IRF2: variants seen among roughly 807,000 people sequenced by gnomAD.
IRF2 encodes the protein interferon regulatory factor 2.
Under a neutral mutation model 40.6 loss-of-function variants are expected in IRF2, and 15 were observed. The observed-to-expected ratio is 0.37, with a 90% CI of 0.25 to 0.57. The LOEUF (loss-of-function observed/expected upper bound fraction) is 0.57. Among genes scored for constraint, IRF2 ranks in the 20% least tolerant of loss-of-function variants. IRF2 has a pLI of 0.77. For missense variants in IRF2, 317 were observed against 455.7 expected, an observed-to-expected ratio of 0.70 and a Z score of 2.77; for synonymous variants, 151 against 165.5, an observed-to-expected ratio of 0.91 and a Z score of 0.67.
chr4:184,391,959 C>T (rs1396034989), intron 7 of IRF2, among the ~76,000 whole-genome samples: 1 of 152,214 alleles, frequency 6.6e-6, no homozygotes, highest in East Asian at 1.9e-4. Flanking sequence ...GCCTGGCACA[C>T]AGCACACACT....
At chr4:184,472,479 T>C (rs1376726366) in intron 1 of IRF2, 1 of 152,152 alleles carries the variant, frequency 6.6e-6, no homozygotes, top group Non-Finnish European at 1.5e-5. Flanking sequence ...GTCTCGGTGA[T>C]GCCTGAAAAT....
intron 1 of IRF2, chr4:184,472,387 C>T (rs1209753689): frequency 6.6e-6 from 1 of 152,146 alleles, no homozygotes. Flanking sequence ...GTGCACCTGC[C>T]CTTAAGCACC....
At chr4:184,416,328 C>CAAAAAAAAAAAAAAAAAAAAAAAAA (rs35274774) in intron 5 of IRF2, among the ~76,000 whole-genome samples, 1 of 100,174 alleles carries the variant, frequency 1.0e-5, no homozygotes, top group Non-Finnish European at 2.0e-5. Flanking sequence ...AAAAAAAAAA[C>CAAAAAAAAAAAAAAAAAAAAAAAAA]AAAAAAAAAA....
At chr4:184,402,149 T>A (rs573243241) in intron 6 of IRF2, among the ~76,000 whole-genome samples, 1 of 152,062 alleles carries the variant, frequency 6.6e-6, no homozygotes, top group South Asian at 2.1e-4. Context: ...CGACTAACCA[T>A]CTAGAGAGTC....
chr4:184,431,647 G>T (rs17686279), intron 1 of IRF2, among the ~76,000 whole-genome samples: 1 of 152,030 alleles, frequency 6.6e-6, no homozygotes, highest in Non-Finnish European at 1.5e-5. Flanking sequence ...TTACAGGATA[G>T]GGGTAGGTAT....
intron 3 of IRF2, among the ~76,000 whole-genome samples, chr4:184,418,914 TCCAG>T (rs1737378150): frequency 6.6e-6 from 1 of 152,192 alleles, no homozygotes; most frequent in Non-Finnish European, 1.5e-5. Flanking sequence ...CCTGAACAGT[TCCAG>T]TCAAACTGGG....
At chr4:184,427,746 A>G (rs1737722380) in intron 2 of IRF2, among the ~76,000 whole-genome samples, 1 of 152,226 alleles carries the variant, frequency 6.6e-6, no homozygotes, top group African/African-American at 2.4e-5. Flanking sequence ...GCCAGGAATG[A>G]TATTAGTTAA....
intron 1 of IRF2, chr4:184,472,259 A>G (rs75356483): frequency 1.3e-5 from 2 of 152,198 alleles, no homozygotes; most frequent in Non-Finnish European, 2.9e-5. Context: ...AAATCAGAGA[A>G]TCCTGAATCT....
intron 1 of IRF2, among the ~76,000 whole-genome samples, chr4:184,470,264 ATATATTACG>A (rs1462124111): frequency 1.3e-5 from 2 of 152,226 alleles, no homozygotes; most frequent in Non-Finnish European, 2.9e-5. Context: ...GTTTATTTGC[ATATATTACG>A]TATTGTAATA....
intron 1 of IRF2, among the ~76,000 whole-genome samples, chr4:184,462,986 T>C (rs1739196613): frequency 6.6e-6 from 1 of 152,274 alleles, no homozygotes; most frequent in Admixed American, 6.5e-5. Context: ...GACTGGATCC[T>C]GGCTCTCAAA....
intron 1 of IRF2, among the ~76,000 whole-genome samples, chr4:184,469,526 G>T (rs1003414648): frequency 1.3e-5 from 2 of 152,144 alleles, no homozygotes; most frequent in African/African-American, 4.8e-5. Context: ...AAAAATGTAT[G>T]TCGGGCTTTG....
At chr4:184,441,410 G>A (rs1360587819) in intron 1 of IRF2, among the ~76,000 whole-genome samples, 1 of 152,230 alleles carries the variant, frequency 6.6e-6, no homozygotes, top group Non-Finnish European at 1.5e-5. Flanking sequence ...AAATCACAGT[G>A]AGTGGTCAGG....
In IRF2 at chr4:184,461,604, T is replaced by C. The variant is rs566113386; in HGVS notation, c.-7+12775A>G. Among the ~76,000 whole-genome samples, 3 of 152,250 alleles carry C rather than the reference T, an allele frequency of 2.0e-5. No individual in the cohort carries two copies. The South Asian group carries it at 6.2e-4, about 32-fold the overall frequency. ...CCCTCTACATATCGTTAGCACTGAA[T>C]AAACACCTGCTAAATAAATGACTGA... On this transcript the variant is annotated intron_variant, in intron 1 of 8. Transcript: ENST00000393593.
chr4:184,444,435 T>C (rs3775570), intron 1 of IRF2, among the ~76,000 whole-genome samples: 39,547 of 152,116 alleles, frequency 0.26, 6,418 homozygotes, highest in South Asian at 0.37. Flanking sequence ...TTCTCCTCTG[T>C]AAAATGGGAT....
Position 184,388,779 on chromosome 4 carries a change from C to A in IRF2, c.1029G>T (p.Gln343His). 6.2e-7 allele frequency: 1 copy of A among 1,612,624 alleles called. No homozygotes were observed. Among genetic ancestry groups the A allele is most frequent in the South Asian group, 1.1e-5 (1 of 90,972 alleles). The change falls in exon 9 of 9, where the codon CAG (glutamine) becomes CAT (histidine). Residue 343 changes from glutamine (Q) to histidine (H), a missense_variant. Gln to His is a conservative substitution (Grantham distance 24). Around this residue, in one of 2 missense-constraint regions of IRF2, gnomAD observed 262 missense variants for 334.0 expected, o/e 0.78. Coordinates refer to ENST00000393593, the MANE Select transcript of IRF2 (RefSeq NM_002199.4). The surrounding 1 kb of genome is among the most constrained non-coding windows in gnomAD (Gnocchi z 4.6). Reference protein sequence around the residue: ...SVIKKTSDITQARVKSC With the variant: ...SVIKKTSDITHARVKSC The stretch of plus-strand genomic sequence containing the variant: ...AGGCTTAACAGCTCTTGACGCGGGC[C>A]TGGGTGATATCCGATGTTTTCTTGA...
intron 1 of IRF2, among the ~76,000 whole-genome samples, chr4:184,442,321 C>T (rs1246517326): frequency 1.3e-5 from 2 of 152,224 alleles, no homozygotes; most frequent in Non-Finnish European, 1.5e-5. Flanking sequence ...CCCTTCACCT[C>T]CATGCTCTCT....
intron 1 of IRF2, among the ~76,000 whole-genome samples, chr4:184,450,391 TC>T (rs762553717): frequency 4.6e-5 from 7 of 152,238 alleles, no homozygotes; most frequent in African/African-American, 9.6e-5. Flanking sequence ...AAAATCAGCA[TC>T]ATTTTCCTTA....
rs765311840 is a variant in IRF2, at chr4:184,390,706, G to A, written c.738C>T (p.Ala246=). ...GGCAGGCTGGGCAGTGGCTTACCTC[G>A]GCACTCTCTTCATCGCTGGGCACAC... is the stretch of plus-strand genomic sequence containing the variant. ...TDSVPSDEES[A]EGRPHWRKRN... Residue 246 remains alanine, a synonymous_variant, in exon 8 of 9, where the codon GCC becomes GCT. Coordinates refer to ENST00000393593, the MANE Select transcript of IRF2 (RefSeq NM_002199.4). The A allele has an allele frequency of 8.7e-6, 14 of 1,614,006 alleles. No individual in the cohort carries two copies. The highest frequency in any genetic ancestry group is 6.7e-5 in the East Asian group (3 of 44,894).
At chr4:184,414,805 A>T (rs951043508) in intron 5 of IRF2, among the ~76,000 whole-genome samples, 1 of 152,234 alleles carries the variant, frequency 6.6e-6, no homozygotes, top group Non-Finnish European at 1.5e-5. Context: ...TTCAACTTGA[A>T]GATTGGGAAA....
Sources: gnomAD v4.1 joint callset for allele counts (sites outside exome capture counted in the v4.1 genomes callset) on GRCh38, gnomAD v4.1.1 for gene constraint, gnomAD v4.1.1 regional missense constraint, Gnocchi (gnomAD v3.1) non-coding constraint, MANE v1.5 for transcripts, NCBI Gene and HGNC (gene_info 2026-07-23, HGNC 2026-07-21) for gene names.